The following MTMR7 variants were observed in gnomAD, a reference collection of about 807,000 sequenced individuals.
The protein encoded by MTMR7 is phosphatidylinositol-3-phosphate phosphatase MTMR7.
Under a neutral mutation model 81.2 loss-of-function variants are expected in MTMR7, and 76 were observed. The ratio of observed to expected loss-of-function variants is 0.94; its 90% CI spans 0.78 to 1.13. MTMR7 has a LOEUF of 1.13. MTMR7 is among the 50% of genes most tolerant of loss of function. The pLI is 0.00. For missense variants in MTMR7, 1,044 were observed against 820.0 expected, an observed-to-expected ratio of 1.27 and a Z score of -3.34; for synonymous variants, 372 against 289.8, an observed-to-expected ratio of 1.28 and a Z score of -2.88.
In MTMR7 at chr8:17,341,392, A is replaced by C. The variant is rs751891186; in HGVS notation, c.703T>G (p.Phe235Val). 6.2e-7 allele frequency: 1 copy of C among 1,614,062 alleles called. No homozygotes were observed. Among genetic ancestry groups the C allele is most frequent in the African/African-American group, 1.3e-5 (1 of 74,938 alleles). ...GGCCGGGTGTCAACGACATAAACGAAGTCACTTCCTGGATTGGCTTTCCTA... is the reference window on the plus strand; with the variant it reads ...GGCCGGGTGTCAACGACATAAACGACGTCACTTCCTGGATTGGCTTTCCTA... ...AIRKANPGSD[F>V]VYVVDTRPKL... is the part of the protein sequence containing the mutation. The change falls in exon 6 of 14, where the codon TTC (phenylalanine) becomes GTC (valine). Residue 235 changes from phenylalanine to valine, a missense_variant. Phe to Val is a conservative substitution (Grantham distance 50). Transcript: ENST00000180173.
chr8:17,348,262 G>T (rs56398412), intron 5 of MTMR7, among the ~76,000 whole-genome samples: 1 of 151,986 alleles, frequency 6.6e-6, no homozygotes, highest in East Asian at 1.9e-4. Flanking sequence ...ATAAGGCCGG[G>T]CACAGTGGCT....
intron 1 of MTMR7, among the ~76,000 whole-genome samples, chr8:17,411,248 A>T (rs1250504538): frequency 2.6e-5 from 4 of 152,250 alleles, no homozygotes; most frequent in African/African-American, 4.8e-5. Flanking sequence ...TTATACAAGT[A>T]CATGACCACT....
At chr8:17,388,996 C>T (rs1821026619) in intron 1 of MTMR7, among the ~76,000 whole-genome samples, 2 of 152,176 alleles carry the variant, frequency 1.3e-5, no homozygotes, top group Admixed American at 6.5e-5. Context: ...AAGCAGAATG[C>T]CTTGCAGACC....
At chr8:17,397,837 G>A (rs1255307469) in intron 1 of MTMR7, among the ~76,000 whole-genome samples, 2 of 152,174 alleles carry the variant, frequency 1.3e-5, no homozygotes, top group African/African-American at 4.8e-5. Flanking sequence ...AGGGGTACTT[G>A]TGTCACCCCA....
At chr8:17,392,923 G>T (rs1821148835) in intron 1 of MTMR7, among the ~76,000 whole-genome samples, 1 of 152,198 alleles carries the variant, frequency 6.6e-6, no homozygotes, top group Non-Finnish European at 1.5e-5. Context: ...AAAATAACTT[G>T]AAAACAGCTA....
intron 3 of MTMR7, among the ~76,000 whole-genome samples, chr8:17,365,976 A>G (rs1820212697): frequency 6.6e-6 from 1 of 152,132 alleles, no homozygotes; most frequent in African/African-American, 2.4e-5. Context: ...TTATTCTAGC[A>G]CCGGTGTTCA....
chr8:17,376,840 C>T (rs1820604542), intron 1 of MTMR7, among the ~76,000 whole-genome samples: 1 of 151,876 alleles, frequency 6.6e-6, no homozygotes, highest in African/African-American at 2.4e-5. Context: ...GAAAGTTATG[C>T]CTTTTTGATA....
intron 1 of MTMR7, among the ~76,000 whole-genome samples, chr8:17,386,746 T>C (rs1482601417): frequency 6.6e-6 from 1 of 152,142 alleles, no homozygotes; most frequent in East Asian, 1.9e-4. Flanking sequence ...TCACTGCATC[T>C]CACTTGGTCA....
At chr8:17,305,655 C>T in intron 11 of MTMR7, 102 bp downstream of exon 11, 1 of 1,004,410 alleles carries the variant, frequency 1.0e-6, no homozygotes, top group Non-Finnish European at 1.5e-6. Flanking sequence ...AGGTATGTGA[C>T]TAAATGAAAA....
chr8:17,398,087 C>G (rs750088518), intron 1 of MTMR7, among the ~76,000 whole-genome samples: 4 of 152,078 alleles, frequency 2.6e-5, no homozygotes, highest in African/African-American at 4.8e-5. Flanking sequence ...TGACAACAAA[C>G]AAGCCCACAC....
intron 1 of MTMR7, among the ~76,000 whole-genome samples, chr8:17,400,452 G>A (rs1458230717): frequency 6.6e-6 from 1 of 152,182 alleles, no homozygotes; most frequent in Non-Finnish European, 1.5e-5. Context: ...TTGATGTTGA[G>A]AACAGGAAAG....
At chr8:17,328,349 G>C (rs1818803192) in intron 7 of MTMR7, among the ~76,000 whole-genome samples, 1 of 152,128 alleles carries the variant, frequency 6.6e-6, no homozygotes, top group Admixed American at 6.5e-5. Context: ...AGAGGTAAAA[G>C]CTCCACCTCT....
At chr8:17,396,885 C>A (rs537093003) in intron 1 of MTMR7, among the ~76,000 whole-genome samples, 25 of 151,894 alleles carry the variant, frequency 1.6e-4, no homozygotes, top group African/African-American at 5.3e-4. Context: ...AACTCAGCTA[C>A]AAAAGGATCA....
chr8:17,353,187 A>C (rs1302663906), intron 4 of MTMR7, among the ~76,000 whole-genome samples: 1 of 152,226 alleles, frequency 6.6e-6, no homozygotes, highest in African/African-American at 2.4e-5. Context: ...TAAGCCTGTC[A>C]CAAAAAGAAA....
chr8:17,355,370 G>A (rs7813309), intron 4 of MTMR7, among the ~76,000 whole-genome samples: 4,503 of 152,122 alleles, frequency 0.03, 228 homozygotes, highest in African/African-American at 0.1. Context: ...TAATTAAGAG[G>A]AAGATTCAGT....
At chr8:17,319,259 A>G (rs1233022004) in intron 7 of MTMR7, among the ~76,000 whole-genome samples, 2 of 152,182 alleles carry the variant, frequency 1.3e-5, no homozygotes, top group Non-Finnish European at 2.9e-5. Context: ...AAATGGGGAT[A>G]AAAACACCTT....
intron 3 of MTMR7, among the ~76,000 whole-genome samples, chr8:17,366,801 G>C (rs542069138): frequency 6.6e-6 from 1 of 150,982 alleles, no homozygotes; most frequent in Non-Finnish European, 1.5e-5. Flanking sequence ...CAGAAGAATG[G>C]CATGAACCTG....
chr8:17,317,116 T>G (rs1200368174), intron 7 of MTMR7, among the ~76,000 whole-genome samples: 1 of 152,208 alleles, frequency 6.6e-6, no homozygotes, highest in Admixed American at 6.5e-5. Flanking sequence ...TTTTTAGAAT[T>G]TGCTTGCTTA....
chr8:17,355,037 T>C (rs1819844931), intron 4 of MTMR7, among the ~76,000 whole-genome samples: 1 of 152,212 alleles, frequency 6.6e-6, no homozygotes, highest in African/African-American at 2.4e-5. Context: ...TTGCAGGCTG[T>C]GCAACGTAGG....
Sources: gnomAD v4.1 joint callset for allele counts (sites outside exome capture counted in the v4.1 genomes callset) on GRCh38, gnomAD v4.1.1 for gene constraint, MANE v1.5 for transcripts, NCBI Gene and HGNC (gene_info 2026-07-23, HGNC 2026-07-21) for gene names.